The following TBC1D8 variants were observed in gnomAD, a reference collection of about 807,000 sequenced individuals.
TBC1D8 encodes BUB2-like protein 1.
TBC1D8 carries 65 observed loss-of-function variants against 118.8 expected under a neutral mutation model. The observed-to-expected ratio is 0.55, with a 90% CI of 0.45 to 0.67. The LOEUF is 0.67. Among genes scored for constraint, TBC1D8 ranks in the 30% least tolerant of loss-of-function variants. The probability of loss-of-function intolerance (pLI) is 0.00; values close to 1 mark genes in which losing one functional copy is unlikely to be tolerated. For missense variants in TBC1D8, 1,376 were observed against 1,471.2 expected (o/e 0.94, Z 1.06); for synonymous variants, 566 against 595.8 (o/e 0.95, Z 0.73).
intron 2 of TBC1D8, among the ~76,000 whole-genome samples, chr2:101,062,929 C>G (rs888897641): frequency 3.3e-5 from 5 of 152,138 alleles, no homozygotes; most frequent in African/African-American, 7.2e-5. Flanking sequence ...AGTGAGCCAC[C>G]GCGCCCAGCC....
intron 2 of TBC1D8, among the ~76,000 whole-genome samples, chr2:101,070,556 G>A (rs1683256937): frequency 6.6e-6 from 1 of 151,948 alleles, no homozygotes; most frequent in South Asian, 2.1e-4. Context: ...AGGATTACAG[G>A]TGCCCACCAC....
chr2:101,111,555 G>A (rs1357492667), intron 1 of TBC1D8, among the ~76,000 whole-genome samples: 1 of 152,160 alleles, frequency 6.6e-6, no homozygotes, highest in Non-Finnish European at 1.5e-5. Flanking sequence ...GCAGTCACCT[G>A]CACATGGTGC....
Position 101,036,073 on chromosome 2 carries a change from G to C in TBC1D8, c.1548C>G (p.Leu516=), listed in dbSNP as rs752539478. The change falls in exon 9 of 20, where the codon CTC becomes CTG. Residue 516 remains leucine (L), a synonymous_variant. Coordinates refer to ENST00000409318, the MANE Select transcript of TBC1D8 (RefSeq NM_001330348.2). ...AAGATTCAGGGATGCCCATGGCTAC[G>C]AGCTTCCGAATCTTCTCTGTGCGAA... ...CMFRTEKIRK[L]VAMGIPESLR... is the part of the protein sequence containing the mutation. 2 of 1,613,894 alleles carry C rather than the reference G, an allele frequency of 1.2e-6. No individual in the cohort carries two copies. Among genetic ancestry groups the C allele is most frequent in the African/African-American group, 1.3e-5 (1 of 74,926 alleles).
chr2:101,058,432 G>A (rs1682564883), intron 3 of TBC1D8, among the ~76,000 whole-genome samples: 1 of 152,136 alleles, frequency 6.6e-6, no homozygotes, highest in Non-Finnish European at 1.5e-5. Context: ...TTACCCTAAG[G>A]AAGGAAAACT....
chr2:101,008,562 C>T (rs894404469), intron 19 of TBC1D8, among the ~76,000 whole-genome samples: 2 of 152,148 alleles, frequency 1.3e-5, no homozygotes, highest in Non-Finnish European at 2.9e-5. Flanking sequence ...CGCCTGTAAT[C>T]CCAGCACTGT....
chr2:101,058,512 A>T (rs1682570100), intron 3 of TBC1D8, among the ~76,000 whole-genome samples: 1 of 152,202 alleles, frequency 6.6e-6, no homozygotes, highest in East Asian at 1.9e-4. Flanking sequence ...CATCTCTCCC[A>T]ACCCGATGGG....
intron 3 of TBC1D8, among the ~76,000 whole-genome samples, chr2:101,057,462 G>A (rs1682502996): frequency 6.6e-6 from 1 of 152,186 alleles, no homozygotes; most frequent in Non-Finnish European, 1.5e-5. Context: ...GTAAGCCCAA[G>A]TGCTAACCAC....
At chr2:101,084,670 A>C (rs148430417) in intron 2 of TBC1D8, among the ~76,000 whole-genome samples, 182 of 152,126 alleles carry the variant, frequency 1.2e-3, no homozygotes, top group Admixed American at 9.1e-3. Context: ...TCATGTTGCT[A>C]TCTGCCTTCC....
intron 2 of TBC1D8, among the ~76,000 whole-genome samples, chr2:101,068,892 C>G (rs1025815370): frequency 6.6e-6 from 1 of 151,450 alleles, no homozygotes; most frequent in Non-Finnish European, 1.5e-5. Flanking sequence ...CCCAGATACT[C>G]AGGAGGCTGA....
At chr2:101,011,676 G>C in intron 17 of TBC1D8, 136 bp from the exon 18 acceptor site, 2 of 759,580 alleles carry the variant, frequency 2.6e-6, no homozygotes, top group Non-Finnish European at 4.4e-6. Context: ...CAGGGTCCAC[G>C]AACCCAAATG....
chr2:101,054,579 TCTCA>T, intron 3 of TBC1D8, among the ~76,000 whole-genome samples: 1 of 150,908 alleles, frequency 6.6e-6, no homozygotes, highest in Non-Finnish European at 1.5e-5. Flanking sequence ...AGAACCAGTC[TCTCA>T]CTCGGCCACT....
intron 1 of TBC1D8, among the ~76,000 whole-genome samples, chr2:101,131,794 G>A (rs899176163): frequency 2.0e-5 from 3 of 151,990 alleles, no homozygotes; most frequent in Non-Finnish European, 4.4e-5. Context: ...CAGCCTGGGC[G>A]ACAGAGCGAG....
Position 101,032,340 on chromosome 2 carries a change from C to T in TBC1D8, c.1864G>A (p.Glu622Lys). 6.2e-7 allele frequency: 1 copy of T among 1,613,854 alleles called. No individual in the cohort carries two copies. The highest frequency in any genetic ancestry group is 2.2e-5 in the East Asian group (1 of 44,880). The change falls in exon 11 of 20, where the codon GAG becomes AAG. Residue 622 changes from glutamate to lysine, a missense_variant. Coordinates refer to ENST00000409318, the MANE Select transcript of TBC1D8 (RefSeq NM_001330348.2). ...GCAACCAACAGCCAGAAGGCTTCCT[C>T]CTCCTTGGTGTACAGCAGCAGCACG... The part of the protein sequence containing the change: ...TSVLLLYTKE[E>K]EAFWLLVAVC...
chr2:101,034,491 G>A (rs1164228176), intron 9 of TBC1D8, among the ~76,000 whole-genome samples: 1 of 152,234 alleles, frequency 6.6e-6, no homozygotes, highest in Non-Finnish European at 1.5e-5. Context: ...AACTGCAGCA[G>A]AAGTGCCCAG....
chr2:101,134,453 CCA>C, intron 1 of TBC1D8, among the ~76,000 whole-genome samples: 1 of 152,254 alleles, frequency 6.6e-6, no homozygotes, highest in Admixed American at 6.5e-5. Flanking sequence ...TAACAAAATA[CCA>C]CAGACTGAGT....
At chr2:101,140,893 C>T (rs1190289710) in intron 1 of TBC1D8, among the ~76,000 whole-genome samples, 5 of 151,886 alleles carry the variant, frequency 3.3e-5, no homozygotes, top group African/African-American at 1.2e-4. Context: ...TCCAGAGTAG[C>T]TGGGATTACA....
At chr2:101,036,872 G>A (rs1021326523) in intron 8 of TBC1D8, among the ~76,000 whole-genome samples, 8 of 152,144 alleles carry the variant, frequency 5.3e-5, no homozygotes, top group African/African-American at 1.9e-4. Flanking sequence ...TTAAGGATCC[G>A]GGTGTAAAGC....
intron 1 of TBC1D8, among the ~76,000 whole-genome samples, chr2:101,096,419 C>CAAAAAAAAAAAAAA (rs55824667): frequency 9.1e-5 from 4 of 43,742 alleles, no homozygotes; most frequent in Admixed American, 4.2e-4. Context: ...TGGCTTTTGA[C>CAAAAAAAAAAAAAA]AAAAAAAAAA....
intron 15 of TBC1D8, among the ~76,000 whole-genome samples, chr2:101,026,147 G>A (rs776247355): frequency 2.0e-5 from 3 of 152,004 alleles, no homozygotes; most frequent in African/African-American, 4.8e-5. Context: ...CATAAATTCC[G>A]ACATGCGATA....
Sources: gnomAD v4.1 joint callset for allele counts (sites outside exome capture counted in the v4.1 genomes callset) on GRCh38, gnomAD v4.1.1 for gene constraint, MANE v1.5 for transcripts, NCBI Gene and HGNC (gene_info 2026-07-23, HGNC 2026-07-21) for gene names.